The following ESPL1 variants were observed in gnomAD, a reference collection of about 807,000 sequenced individuals.
ESPL1 encodes extra spindle pole bodies like 1, separase, also known as separin.
ESPL1 carries 50 observed loss-of-function variants against 217.2 expected under a neutral mutation model. The ratio of observed to expected loss-of-function variants is 0.23; its 90% CI spans 0.18 to 0.29. The LOEUF (loss-of-function observed/expected upper bound fraction) is 0.29, where lower values mean the gene tolerates loss of function less well. ESPL1 is among the 10% of genes least tolerant of loss of function. The probability of loss-of-function intolerance (pLI) is 1.00; values close to 1 mark genes in which losing one functional copy is unlikely to be tolerated. For missense variants in ESPL1, 1,834 were observed against 2,603.0 expected (o/e 0.70, Z 6.43); for synonymous variants, 994 against 1,081.3 (o/e 0.92, Z 1.58).
chr12:53,284,964 T>G (rs567917814), intron 17 of ESPL1, among the ~76,000 whole-genome samples: 2 of 137,624 alleles, frequency 1.5e-5, no homozygotes, highest in South Asian at 2.3e-4. Context: ...GTGAGGAAGA[T>G]TGCACCATTG....
In ESPL1 at chr12:53,280,590, A is replaced by G. The variant is rs571287643; in HGVS notation, c.2499+724A>G. Among the ~76,000 whole-genome samples the G allele has an allele frequency of 1.2e-3, 186 of 152,156 alleles. 1 individual carries two copies. The highest frequency in any genetic ancestry group is 4.4e-3 in the African/African-American group (183 of 41,526). On this transcript the variant is annotated intron_variant, in intron 12 of 30. Coordinates refer to ENST00000257934, the MANE Select transcript of ESPL1 (RefSeq NM_012291.5). Reference sequence around the variant, plus strand: ...CACTATGTTGCCCAGGCTGGTCTTGAACTCCTGGGCTCAAGTGATCTCCCA... The same window carrying G: ...CACTATGTTGCCCAGGCTGGTCTTGGACTCCTGGGCTCAAGTGATCTCCCA...
Position 53,286,639 on chromosome 12 carries a change from T to C in ESPL1, c.3903T>C (p.Ser1301=), listed in dbSNP as rs1943953139. ...SWGWQPPLIK[S]VPGSEPSKTQ... is the part of the protein sequence containing the mutation. The stretch of plus-strand genomic sequence containing the variant: ...GCTGGCAGCCACCATTAATAAAAAG[T>C]GTCCCTGGCTCAGAGCCCTCTAAGA... The change falls in exon 18 of 31, where the codon AGT becomes AGC. Residue 1301 remains serine (S), a synonymous_variant. Transcript: ENST00000257934. The surrounding 1 kb of genome is among the most constrained non-coding windows in gnomAD (Gnocchi z 5.3). 3 of 1,614,040 alleles carry C rather than the reference T, an allele frequency of 1.9e-6. No homozygotes were observed. Among genetic ancestry groups the C allele is most frequent in the African/African-American group, 1.3e-5 (1 of 74,918 alleles).
At chr12:53,277,299 G>A in intron 9 of ESPL1, 72 bp downstream of exon 9, 1 of 1,536,360 alleles carries the variant, frequency 6.5e-7, no homozygotes, top group South Asian at 1.2e-5. Context: ...CCAACAAGTT[G>A]GTATCAGCCC....
Position 53,282,308 on chromosome 12 carries a change from T to C in ESPL1, c.2664T>C (p.Pro888=). ...VSLLLSVLRD[P]ALQKSSKAWY... ...TGCTGCTGTCTGTGCTTCGGGATCC[T>C]GCCCTCCAGAAGTCCTCCAAGGCTT... The change falls in exon 14 of 31, where the codon CCT becomes CCC. Residue 888 remains proline (P), a synonymous_variant. Transcript: ENST00000257934. This position sits in a 1 kb window ranked among gnomAD's most constrained non-coding sequence, Gnocchi z 4.0. 4 of 1,614,030 alleles carry C rather than the reference T, an allele frequency of 2.5e-6. No individual in the cohort carries two copies. Among genetic ancestry groups the C allele is most frequent in the Non-Finnish European group, 2.5e-6 (3 of 1,179,914 alleles).
At position 53,277,116 on chromosome 12, in the gene ESPL1, G is replaced by A; in HGVS notation, c.1974G>A (p.Gln658=). The A allele has an allele frequency of 6.2e-7, 1 of 1,614,168 alleles. No homozygotes were observed. The highest frequency in any genetic ancestry group is 8.5e-7 in the Non-Finnish European group (1 of 1,179,984). The change falls in exon 9 of 31, where the codon CAG becomes CAA. Residue 658 remains glutamine (Q), a synonymous_variant. Coordinates refer to ENST00000257934, the MANE Select transcript of ESPL1 (RefSeq NM_012291.5). ...SALDAIREAL[Q]LLDSVRPEAQ... is the part of the protein sequence containing the mutation. ...TGGATGCTATCCGGGAAGCCCTGCA[G>A]CTTCTGGACTCTGTGAGGCCTGAGG...
intron 18 of ESPL1, chr12:53,287,117 G>A (rs749278121): frequency 5.4e-5 from 26 of 482,298 alleles, no homozygotes; most frequent in Admixed American, 1.2e-4. Flanking sequence ...CTGTCGCCCA[G>A]GCTGGAGTGC....
chr12:53,283,031 G>A (rs1054039785), intron 14 of ESPL1, 98 bp from the exon 15 acceptor site: 18 of 1,500,216 alleles, frequency 1.2e-5, no homozygotes, highest in African/African-American at 1.1e-4. Flanking sequence ...CTGCCTTAAT[G>A]CAGAAGGAAG....
chr12:53,281,653 A>T, intron 13 of ESPL1, 27 bp downstream of exon 13: 1 of 1,605,878 alleles, frequency 6.2e-7, no homozygotes, highest in Non-Finnish European at 8.5e-7. Flanking sequence ...TAAACTCCGA[A>T]GGCCCTGGGT....
Position 53,281,388 on chromosome 12 carries a change from C to G in ESPL1, c.2500-119C>G, listed in dbSNP as rs1943859207. 6.2e-6 allele frequency: 6 copies of G among 963,644 alleles called. No individual in the cohort carries two copies. The Admixed American group carries it at 1.1e-4, about 18-fold the overall frequency. The allele number at this position is 963,644 out of a possible 1,614,324, so 59.7% of individuals were successfully genotyped here. On this transcript the variant is annotated intron_variant, in intron 12 of 30. Transcript: ENST00000257934. ...TCCTGACCTCAGGTGATCCGCCCAC[C>G]TTGGCCTCCCAAAGTGCTGGGATTA...
Position 53,289,708 on chromosome 12 carries a change from T to A in ESPL1, c.5113+114T>A, listed in dbSNP as rs1172665538. On this transcript the variant is annotated intron_variant, in intron 22 of 30. Transcript: ENST00000257934. ...AGTTTACATAGATTTATGACCCTTATGTCATACCTTTTCACCTGTTAGCAT... is the reference window on the plus strand; with the variant it reads ...AGTTTACATAGATTTATGACCCTTAAGTCATACCTTTTCACCTGTTAGCAT... 5.9e-6 allele frequency: 5 copies of A among 850,348 alleles called. No individual in the cohort carries two copies. In the African/African-American group the frequency reaches 6.8e-5, roughly 12 times the overall value. The allele number at this position is 850,348 out of a possible 1,614,324, so 52.7% of individuals were successfully genotyped here. A position where few individuals can be genotyped will look rare whatever the true frequency, so the allele number is the denominator to read the frequency against.
intron 9 of ESPL1, 78 bp from the exon 10 acceptor site, chr12:53,277,392 C>A: frequency 6.5e-7 from 1 of 1,536,114 alleles, no homozygotes; most frequent in Non-Finnish European, 8.8e-7. Flanking sequence ...ACAATCCTCC[C>A]ACCTCAGCCT....
chr12:53,279,736 T>G lies in ESPL1; in HGVS notation c.2369T>G (p.Met790Arg). 6.2e-7 allele frequency: 1 copy of G among 1,614,058 alleles called. No homozygotes were observed. Among genetic ancestry groups the G allele is most frequent in the Admixed American group, 1.7e-5 (1 of 60,020 alleles). Residue 790 changes from methionine to arginine, a missense_variant, in exon 12 of 31, where the codon ATG becomes AGG. Coordinates refer to ENST00000257934, the MANE Select transcript of ESPL1 (RefSeq NM_012291.5). The part of the protein sequence containing the change: ...AALYQLVAKP[M>R]QALEVLLLLR... Reference sequence around the variant, plus strand: ...TTGGCTGCTTCTGCTGACCAGCCCATGCAGGCTCTGGAGGTCCTCCTGCTG... The same window carrying G: ...TTGGCTGCTTCTGCTGACCAGCCCAGGCAGGCTCTGGAGGTCCTCCTGCTG...
In ESPL1 at chr12:53,282,404, A is replaced by G. The variant is rs575754734; in HGVS notation, c.2760A>G (p.Ser920=). 48 of 1,613,890 alleles carry G rather than the reference A, an allele frequency of 3.0e-5. No individual in the cohort carries two copies. In the South Asian group the frequency reaches 4.9e-4, roughly 17 times the overall value. ...AYLSLPSNNL[S]HSLWEQLCAQ... ...TTAGCCTCCCGTCAAACAACCTCTC[A>G]CACTCCCTGTGGGAGCAGCTCTGTG... Residue 920 remains serine (S), a synonymous_variant, in exon 14 of 31, where the codon TCA becomes TCG. Coordinates refer to ENST00000257934, the MANE Select transcript of ESPL1 (RefSeq NM_012291.5). This position sits in a 1 kb window ranked among gnomAD's most constrained non-coding sequence, Gnocchi z 4.0.
At chr12:53,272,261 G>A (rs530200489) in intron 5 of ESPL1, among the ~76,000 whole-genome samples, 2 of 152,252 alleles carry the variant, frequency 1.3e-5, no homozygotes, top group East Asian at 1.9e-4. Context: ...ATATTAGAAC[G>A]TGATAAGAAA....
At chr12:53,290,029 C>G in intron 22 of ESPL1, 56 bp from the exon 23 acceptor site, 1 of 1,583,260 alleles carries the variant, frequency 6.3e-7, no homozygotes, top group Non-Finnish European at 8.6e-7. Context: ...GTGCCCAAGA[C>G]AGGGAAGGGA....
chr12:53,277,058 G>C, intron 8 of ESPL1, 25 bp from the exon 9 acceptor site: 5 of 1,606,794 alleles, frequency 3.1e-6, no homozygotes, highest in Non-Finnish European at 4.3e-6. Flanking sequence ...AGTAGGCCCA[G>C]CTTAAGCACA....
chr12:53,279,577 AG>A, intron 11 of ESPL1, 154 bp from the exon 12 acceptor site: 1 of 812,654 alleles, frequency 1.2e-6, no homozygotes, highest in African/African-American at 1.7e-5. Flanking sequence ...TTAAAACAGT[AG>A]GGGTGGGGTG....
intron 7 of ESPL1, among the ~76,000 whole-genome samples, chr12:53,275,484 G>T (rs1371540061): frequency 6.6e-6 from 1 of 152,002 alleles, no homozygotes; most frequent in Non-Finnish European, 1.5e-5. Flanking sequence ...GTTGGGGAGG[G>T]GGTCAACCAT....
chr12:53,281,745 G>A (rs1943866096), intron 13 of ESPL1, 119 bp downstream of exon 13: 1 of 939,972 alleles, frequency 1.1e-6, no homozygotes, highest in Non-Finnish European at 1.6e-6. Context: ...TCCTGACCCT[G>A]AGAGGCAGGC....
Sources: allele counts gnomAD v4.1 joint callset (sites outside exome capture counted in the v4.1 genomes callset), GRCh38; gene constraint gnomAD v4.1.1; non-coding constraint Gnocchi (gnomAD v3.1); transcripts MANE v1.5; gene names NCBI Gene and HGNC (gene_info 2026-07-23, HGNC 2026-07-21).